ERC1: variants seen among roughly 807,000 people sequenced by gnomAD.
ERC1 encodes ELKS/RAB6-interacting/CAST family member 1, also known as RAB6 interacting protein 2.
ERC1 carries 56 observed loss-of-function variants against 132.0 expected under a neutral mutation model. That is an observed-to-expected ratio of 0.42 (90% confidence interval 0.34 to 0.53). The LOEUF (loss-of-function observed/expected upper bound fraction) is 0.53, where lower values mean the gene tolerates loss of function less well. Among genes scored for constraint, ERC1 ranks in the 20% least tolerant of loss-of-function variants. The pLI is 0.03. For synonymous variants in ERC1, 478 were observed against 476.1 expected (o/e 1.00, Z -0.05); for missense variants, 1,202 against 1,349.9 (o/e 0.89, Z 1.72).
intron 8 of ERC1, among the ~76,000 whole-genome samples, chr12:1,145,968 C>T (rs774697382): frequency 6.6e-6 from 1 of 152,104 alleles, no homozygotes; most frequent in Non-Finnish European, 1.5e-5. Context: ...TTGGTTTTGG[C>T]GACTATAGCC....
chr12:1,129,323 CAA>C lies in ERC1; in HGVS notation c.1570-12294_1570-12293del, dbSNP rs1555261180. On this transcript the variant is annotated intron_variant, in intron 7 of 18. Transcript: ENST00000360905. The stretch of plus-strand genomic sequence containing the variant: ...GCGTCTCCACAAACAACAACAACAA[CAA>C]AACTAACAACAACAACAAAAAACTA... Among the ~76,000 whole-genome samples the C allele has an allele frequency of 5.8e-3, 15 of 2,574 alleles. No homozygotes were observed. The Non-Finnish European group carries it at 0.061, about 10-fold the overall frequency. The allele number at this position is 2,574 out of a possible 152,430, so 1.7% of individuals were successfully genotyped here.
chr12:1,058,790 T>TTTG (rs1294118017), intron 2 of ERC1, among the ~76,000 whole-genome samples: 13 of 510 alleles, frequency 0.025, no homozygotes, highest in Non-Finnish European at 0.042. Context: ...GGAAAGTATG[T>TTTG]TTTTTTTTTT....
intron 17 of ERC1, among the ~76,000 whole-genome samples, chr12:1,417,313 G>A (rs1165396564): frequency 6.6e-6 from 1 of 152,054 alleles, no homozygotes; most frequent in Non-Finnish European, 1.5e-5. Context: ...CAAGCTTTCT[G>A]CCAGCCCTTT....
Position 1,236,357 on chromosome 12 carries a change from A to G in ERC1, c.2352-412A>G, listed in dbSNP as rs114241079. Among the ~76,000 whole-genome samples, 648 of 152,304 alleles carry G rather than the reference A, an allele frequency of 4.3e-3. 5 individuals are homozygous for G. The highest frequency in any genetic ancestry group is 0.014 in the African/African-American group (594 of 41,572). On this transcript the variant is annotated intron_variant, in intron 12 of 18. Transcript: ENST00000360905. ...ATACAGTGTATTGAATGTTTGAAAT[A>G]TTTAATAATGGTAAAATTAGAGTTG...
intron 12 of ERC1, among the ~76,000 whole-genome samples, chr12:1,207,595 G>C (rs1186757518): frequency 6.6e-6 from 1 of 152,150 alleles, no homozygotes; most frequent in Non-Finnish European, 1.5e-5. Context: ...TGGTGTAGTA[G>C]TGTACTCTTT....
At chr12:1,183,451 T>C (rs1954710529) in intron 11 of ERC1, 30 bp downstream of exon 11, 1 of 1,532,264 alleles carries the variant, frequency 6.5e-7, no homozygotes, top group Non-Finnish European at 8.9e-7. Context: ...ATTTTTTTGC[T>C]TTGCCTTAAA....
At chr12:1,179,968 A>G (rs571519447) in intron 8 of ERC1, among the ~76,000 whole-genome samples, 3 of 152,392 alleles carry the variant, frequency 2.0e-5, no homozygotes, top group South Asian at 2.1e-4. Flanking sequence ...ATAAGTATGT[A>G]TGAATGAATG....
intron 18 of ERC1, among the ~76,000 whole-genome samples, chr12:1,485,454 T>G (rs972947421): frequency 6.6e-6 from 1 of 151,612 alleles, no homozygotes; most frequent in Non-Finnish European, 1.5e-5. Context: ...CTGCCCACCT[T>G]GGCCTCCTAA....
At chr12:1,021,323 T>A (rs952204995) in intron 1 of ERC1, among the ~76,000 whole-genome samples, 10 of 152,252 alleles carry the variant, frequency 6.6e-5, no homozygotes, top group Admixed American at 5.2e-4. Flanking sequence ...AGGCCATTTT[T>A]CAGGATTGTG....
At chr12:1,153,498 A>C (rs1467875914) in intron 8 of ERC1, among the ~76,000 whole-genome samples, 3 of 152,196 alleles carry the variant, frequency 2.0e-5, no homozygotes, top group Non-Finnish European at 4.4e-5. Context: ...TTAGAGACAA[A>C]AGGGAATACC....
At chr12:1,219,815 T>C (rs1466084033) in intron 12 of ERC1, among the ~76,000 whole-genome samples, 1 of 152,062 alleles carries the variant, frequency 6.6e-6, no homozygotes, top group Non-Finnish European at 1.5e-5. Flanking sequence ...TTTTGTGTTT[T>C]TTGTAGAGAC....
At chr12:1,100,817 A>T (rs966014187) in intron 3 of ERC1, among the ~76,000 whole-genome samples, 8 of 152,282 alleles carry the variant, frequency 5.3e-5, no homozygotes, top group African/African-American at 1.9e-4. Context: ...GGAGGTAAAC[A>T]TTTGGGAGTT....
intron 3 of ERC1, among the ~76,000 whole-genome samples, chr12:1,094,415 C>CTCT (rs376372967): frequency 2.2e-5 from 3 of 137,996 alleles, no homozygotes. Context: ...CCTTCTCTCT[C>CTCT]TTTTTTTTTT....
chr12:1,437,269 G>A (rs565346344), intron 17 of ERC1, among the ~76,000 whole-genome samples: 28 of 152,268 alleles, frequency 1.8e-4, no homozygotes, highest in Middle Eastern at 3.4e-3. Flanking sequence ...TGATTGGCTG[G>A]CCTGTAATAA....
intron 16 of ERC1, among the ~76,000 whole-genome samples, chr12:1,383,948 A>C (rs984513138): frequency 2.0e-5 from 3 of 152,264 alleles, no homozygotes; most frequent in African/African-American, 7.2e-5. Flanking sequence ...GAGGTTAAGT[A>C]ACTTGCCCTA....
chr12:1,295,041 G>T (rs1441081805), intron 15 of ERC1, among the ~76,000 whole-genome samples: 1 of 152,166 alleles, frequency 6.6e-6, no homozygotes, highest in Non-Finnish European at 1.5e-5. Context: ...GGGCCAGTTT[G>T]CTTACCCGTG....
chr12:1,179,709 G>A (rs971370534), intron 8 of ERC1, among the ~76,000 whole-genome samples: 6 of 151,704 alleles, frequency 4.0e-5, no homozygotes, highest in South Asian at 2.1e-4. Context: ...GGGTTTCACC[G>A]TTTTAGCTGG....
At chr12:1,235,388 T>A (rs1324091093) in intron 12 of ERC1, among the ~76,000 whole-genome samples, 3 of 152,078 alleles carry the variant, frequency 2.0e-5, no homozygotes, top group Admixed American at 6.6e-5. Context: ...ATTCTATCGA[T>A]GAAAAGATGT....
chr12:1,386,457 GGC>G (rs2089360397), intron 16 of ERC1: 1 of 150,444 alleles, frequency 6.6e-6, no homozygotes, highest in Non-Finnish European at 1.5e-5. Context: ...AGACCAGCCT[GGC>G]CAACATGGTG....
Sources: allele counts gnomAD v4.1 joint callset (sites outside exome capture counted in the v4.1 genomes callset), GRCh38; gene constraint gnomAD v4.1.1; transcripts MANE v1.5; gene names NCBI Gene and HGNC (gene_info 2026-07-23, HGNC 2026-07-21).